TSLP: variants seen among roughly 807,000 people sequenced by gnomAD.
TSLP encodes the protein thymic stroma-derived lymphopoietin.
TSLP carries 12 observed loss-of-function variants against 12.4 expected under a neutral mutation model. That is an observed-to-expected ratio of 0.97 (90% CI 0.62 to 1.57). The LOEUF (loss-of-function observed/expected upper bound fraction) is 1.57, where lower values mean the gene tolerates loss of function less well. TSLP is among the 40% of genes most tolerant of loss of function. The pLI is 0.00. For synonymous variants in TSLP, 97 were observed against 69.5 expected (o/e 1.40, Z -1.97); for missense variants, 222 against 189.6 (o/e 1.17, Z -1.00).
chr5:111,072,821 G>A, intron 1 of TSLP, 67 bp from the exon 2 acceptor site: 1 of 1,523,714 alleles, frequency 6.6e-7, no homozygotes, highest in Admixed American at 1.7e-5. Context: ...AGCAAAGGGT[G>A]GAGGGATGAT....
At chr5:111,074,540 G>A (rs1752439950) in intron 3 of TSLP, among the ~76,000 whole-genome samples, 2 of 151,802 alleles carry the variant, frequency 1.3e-5, no homozygotes, top group South Asian at 2.1e-4. Flanking sequence ...GGAACAGAGA[G>A]AGACAAGTGC....
At chr5:111,075,872 C>T in intron 3 of TSLP, 74 bp from the exon 4 acceptor site, 1 of 1,469,990 alleles carries the variant, frequency 6.8e-7, no homozygotes, top group South Asian at 1.2e-5. Flanking sequence ...ATAGAGAAGG[C>T]AATTAAACCT....
In TSLP at chr5:111,077,896, A is replaced by G. The variant is rs1561693647; in HGVS notation, c.*1822A>G. On this transcript the variant is annotated 3_prime_UTR_variant, in exon 4 of 4. Transcript: ENST00000344895. ...ACTAATTTAGTAAGAACGTTCCCAA[A>G]TGTTGTAACAATGTGGATCATACAT... The G allele has an allele frequency of 6.6e-6, 1 of 152,514 alleles. No individual in the cohort carries two copies. Among genetic ancestry groups the G allele is most frequent in the Non-Finnish European group, 1.5e-5 (1 of 68,008 alleles). The allele number at this position is 152,514 out of a possible 1,614,324, so 9.4% of individuals were successfully genotyped here. A position where few individuals can be genotyped will look rare whatever the true frequency, so the allele number is the denominator to read the frequency against.
Position 111,072,896 on chromosome 5 carries a change from T to C in TSLP, c.180T>C (p.Ser60=). Residue 60 remains serine, a synonymous_variant, in exon 2 of 4, where the codon AGT becomes AGC. Coordinates refer to ENST00000344895, the MANE Select transcript of TSLP (RefSeq NM_033035.5). Reference sequence around the variant, plus strand: ...ATTTTTCTTTCTTCCAGACCAAAAGTACCGAGTTCAACAACACCGTCTCTT... The same window carrying C: ...ATTTTTCTTTCTTCCAGACCAAAAGCACCGAGTTCAACAACACCGTCTCTT... The part of the protein sequence containing the change: ...DLITYMSGTK[S]TEFNNTVSCS... The C allele has an allele frequency of 6.2e-7, 1 of 1,614,208 alleles. No homozygotes were observed. Among genetic ancestry groups the C allele is most frequent in the Non-Finnish European group, 8.5e-7 (1 of 1,180,034 alleles).
At position 111,073,474 on chromosome 5, in the gene TSLP, T is replaced by C. The variant is rs1254798165; in HGVS notation, c.217-37T>C. 1.9e-6 allele frequency: 3 copies of C among 1,613,184 alleles called. No homozygotes were observed. In the African/African-American group the frequency reaches 4.0e-5, roughly 22 times the overall value. ...ACCAACTCTTTCTCTCTCTGGTGTTTTCTCCTTTTCTCGTAAACTTTGCCG... is the reference window on the plus strand; with the variant it reads ...ACCAACTCTTTCTCTCTCTGGTGTTCTCTCCTTTTCTCGTAAACTTTGCCG... On this transcript the variant is annotated intron_variant, in intron 2 of 3. Coordinates refer to ENST00000344895, the MANE Select transcript of TSLP (RefSeq NM_033035.5).
chr5:111,072,886 A>G lies in TSLP; in HGVS notation c.172-2A>G. On this transcript the variant is annotated splice_acceptor_variant, in intron 1 of 3. Transcript: ENST00000344895. LOFTEE classifies it high-confidence loss of function. ...TCTTTGTCCTATTTTTCTTTCTTCC[A>G]GACCAAAAGTACCGAGTTCAACAAC... 3 of 1,614,182 alleles carry G rather than the reference A, an allele frequency of 1.9e-6. No homozygotes were observed. The highest frequency in any genetic ancestry group is 8.5e-7 in the Non-Finnish European group (1 of 1,180,012).
chr5:111,077,927 G>C lies in TSLP; in HGVS notation c.*1853G>C, dbSNP rs1032794373. 1.3e-5 allele frequency: 2 copies of C among 152,254 alleles called. No individual in the cohort carries two copies. Among genetic ancestry groups the C allele is most frequent in the Non-Finnish European group, 2.9e-5 (2 of 67,980 alleles). The allele number at this position is 152,254 out of a possible 1,614,324, so 9.4% of individuals were successfully genotyped here. On this transcript the variant is annotated 3_prime_UTR_variant, in exon 4 of 4. Transcript: ENST00000344895. ...TAACAATGTGGATCATACATCTCTG[G>C]TTTTTTAAATGTATTGAGGCTTTCT...
chr5:111,075,610 G>C (rs1011736932), intron 3 of TSLP, among the ~76,000 whole-genome samples: 7 of 152,262 alleles, frequency 4.6e-5, no homozygotes, highest in African/African-American at 1.7e-4. Context: ...GTGCTATGGG[G>C]AATACCTATG....
intron 1 of TSLP, 78 bp from the exon 2 acceptor site, chr5:111,072,810 G>C (rs1752377193): frequency 2.0e-6 from 3 of 1,469,346 alleles, no homozygotes; most frequent in East Asian, 4.5e-5. Context: ...TAAAGCCTGG[G>C]AGCAAAGGGT....
chr5:111,070,421 G>C (rs562538071), upstream of TSLP: 1 of 153,194 alleles, frequency 6.5e-6, no homozygotes, highest in Non-Finnish European at 1.5e-5. Flanking sequence ...GGGGGCGGGG[G>C]TGAGGGGTGC....
In TSLP at chr5:111,077,103, C is replaced by T. The variant is rs1316354226; in HGVS notation, c.*1029C>T. ...GGGATGTCAAATCGATTCTTGAATTCCCGCTGCAAGCTAGAGCCGCAGGCA... is the reference window on the plus strand; with the variant it reads ...GGGATGTCAAATCGATTCTTGAATTTCCGCTGCAAGCTAGAGCCGCAGGCA... On this transcript the variant is annotated 3_prime_UTR_variant, in exon 4 of 4. Coordinates refer to ENST00000344895, the MANE Select transcript of TSLP (RefSeq NM_033035.5). The T allele has an allele frequency of 6.6e-6, 1 of 152,334 alleles. No individual in the cohort carries two copies. Among genetic ancestry groups the T allele is most frequent in the East Asian group, 1.9e-4 (1 of 5,188 alleles). The allele number at this position is 152,334 out of a possible 1,614,324, so 9.4% of individuals were successfully genotyped here.
rs369561427 is a variant in TSLP, at chr5:111,076,093, A to T, written c.*19A>T. The stretch of plus-strand genomic sequence containing the variant: ...ACAGTAAACCATCTTTATTATGGTC[A>T]TATTTCACAGCACCAAAATAAATCA... On this transcript the variant is annotated 3_prime_UTR_variant, in exon 4 of 4. Transcript: ENST00000344895. 3.1e-6 allele frequency: 5 copies of T among 1,612,718 alleles called. No homozygotes were observed. The African/African-American group carries it at 4.0e-5, about 13-fold the overall frequency.
chr5:111,071,889 G>A lies in TSLP; in HGVS notation c.-2G>A, dbSNP rs762233899. 41 of 1,613,560 alleles carry A rather than the reference G, an allele frequency of 2.5e-5. No individual in the cohort carries two copies. In the Admixed American group the frequency reaches 4.3e-4, roughly 17 times the overall value. On this transcript the variant is annotated 5_prime_UTR_variant, in exon 1 of 4. Coordinates refer to ENST00000344895, the MANE Select transcript of TSLP (RefSeq NM_033035.5). ...AACTGGGGTGGAATTGGGTGTCCACGTATGTTCCCTTTTGCCTTACTATAT... is the reference window on the plus strand; with the variant it reads ...AACTGGGGTGGAATTGGGTGTCCACATATGTTCCCTTTTGCCTTACTATAT...
chr5:111,075,285 G>C (rs1752468142), intron 3 of TSLP, among the ~76,000 whole-genome samples: 1 of 152,048 alleles, frequency 6.6e-6, no homozygotes, highest in Non-Finnish European at 1.5e-5. Context: ...GTGTCTAGGA[G>C]GCCCAGTGTA....
Position 111,072,899 on chromosome 5 carries a change from C to G in TSLP, c.183C>G (p.Thr61=). 6.2e-7 allele frequency: 1 copy of G among 1,614,166 alleles called. No individual in the cohort carries two copies. Among genetic ancestry groups the G allele is most frequent in the Non-Finnish European group, 8.5e-7 (1 of 1,180,024 alleles). Residue 61 remains threonine (T), a synonymous_variant, in exon 2 of 4, where the codon ACC becomes ACG. Transcript: ENST00000344895. ...LITYMSGTKS[T]EFNNTVSCSN... The stretch of plus-strand genomic sequence containing the variant: ...TTTCTTTCTTCCAGACCAAAAGTAC[C>G]GAGTTCAACAACACCGTCTCTTGTA...
intron 1 of TSLP, 94 bp from the exon 2 acceptor site, chr5:111,072,794 C>T: frequency 7.8e-7 from 1 of 1,285,982 alleles, no homozygotes; most frequent in Non-Finnish European, 1.1e-6. Flanking sequence ...GTTTTCAGGG[C>T]ACCTTTAAAG....
At chr5:111,074,809 G>A (rs559035226) in intron 3 of TSLP, among the ~76,000 whole-genome samples, 2 of 151,762 alleles carry the variant, frequency 1.3e-5, no homozygotes, top group Non-Finnish European at 2.9e-5. Flanking sequence ...TAGTAGAGAC[G>A]GGGTTTCACC....
chr5:111,071,657 G>C, upstream of TSLP: 1 of 1,401,164 alleles, frequency 7.1e-7, no homozygotes, highest in Non-Finnish European at 9.5e-7. Flanking sequence ...TGGCCTAGGA[G>C]AAAAGAGCCC....
intron 2 of TSLP, chr5:111,073,229 T>A: frequency 7.4e-7 from 1 of 1,345,654 alleles, no homozygotes; most frequent in East Asian, 2.6e-5. Context: ...GCGCTCGGGC[T>A]CGGAATTTTG....
Sources: gnomAD v4.1 joint callset for allele counts (sites outside exome capture counted in the v4.1 genomes callset) on GRCh38, gnomAD v4.1.1 for gene constraint, MANE v1.5 for transcripts, NCBI Gene and HGNC (gene_info 2026-07-23, HGNC 2026-07-21) for gene names.